The following PRKG1 variants were observed in gnomAD, a reference collection of about 807,000 sequenced individuals.
PRKG1 encodes the protein cGMP-dependent protein kinase 1.
PRKG1 carries 35 observed loss-of-function variants against 88.1 expected under a neutral mutation model. The observed-to-expected ratio is 0.40, with a 90% CI of 0.30 to 0.53. The LOEUF (loss-of-function observed/expected upper bound fraction) is 0.53. PRKG1 is among the 20% of genes least tolerant of loss of function. PRKG1 has a pLI of 0.59. For missense variants in PRKG1, 540 were observed against 839.8 expected (o/e 0.64, Z 4.41); for synonymous variants, 303 against 292.5 (o/e 1.04, Z -0.37).
At chr10:51,111,019 A>G (rs1331908549) in intron 1 of PRKG1, among the ~76,000 whole-genome samples, 3 of 152,150 alleles carry the variant, frequency 2.0e-5, no homozygotes, top group Non-Finnish European at 4.4e-5. Flanking sequence ...GTACACTTCA[A>G]TGCCAAGGAA....
chr10:51,917,918 T>C (rs113878406), intron 5 of PRKG1, among the ~76,000 whole-genome samples: 1 of 152,348 alleles, frequency 6.6e-6, no homozygotes, highest in Middle Eastern at 3.4e-3. Flanking sequence ...TGTCTAGTTA[T>C]GTGAACATAA....
chr10:51,292,873 C>T (rs943387010), intron 2 of PRKG1, among the ~76,000 whole-genome samples: 7 of 151,912 alleles, frequency 4.6e-5, no homozygotes, highest in South Asian at 2.1e-4. Flanking sequence ...ACACCCAATC[C>T]CATTTTATCT....
chr10:51,619,513 C>G (rs897467593), intron 3 of PRKG1, among the ~76,000 whole-genome samples: 7 of 152,172 alleles, frequency 4.6e-5, no homozygotes, highest in African/African-American at 1.7e-4. Context: ...TAAGACCAAT[C>G]AAATCAATCA....
intron 2 of PRKG1, among the ~76,000 whole-genome samples, chr10:51,279,603 A>G (rs371668863): frequency 1.3e-5 from 2 of 152,198 alleles, no homozygotes; most frequent in East Asian, 1.9e-4. Context: ...AGCTCTTCTT[A>G]TTGAATTGAT....
intron 2 of PRKG1, among the ~76,000 whole-genome samples, chr10:51,419,429 G>A (rs1324118592): frequency 6.6e-6 from 1 of 152,048 alleles, no homozygotes; most frequent in Non-Finnish European, 1.5e-5. Context: ...ACGTTTTTTG[G>A]TCATTATTAT....
intron 6 of PRKG1, among the ~76,000 whole-genome samples, chr10:52,062,007 A>G (rs768837099): frequency 1.3e-5 from 2 of 152,160 alleles, no homozygotes; most frequent in Admixed American, 6.5e-5. Flanking sequence ...TTGCCAATTT[A>G]TAGGATATGG....
intron 2 of PRKG1, among the ~76,000 whole-genome samples, chr10:51,275,110 T>A (rs774204468): frequency 2.6e-5 from 4 of 152,260 alleles, no homozygotes; most frequent in Non-Finnish European, 5.9e-5. Flanking sequence ...GAATTTGAGG[T>A]TCTCTAAGAG....
intron 2 of PRKG1, among the ~76,000 whole-genome samples, chr10:51,451,770 T>G (rs570303087): frequency 2.0e-5 from 3 of 152,072 alleles, no homozygotes; most frequent in Non-Finnish European, 4.4e-5. Flanking sequence ...TATCATCAAT[T>G]GCATGACTTA....
chr10:51,353,853 T>C (rs576595247), intron 2 of PRKG1, among the ~76,000 whole-genome samples: 1 of 152,124 alleles, frequency 6.6e-6, no homozygotes, highest in South Asian at 2.1e-4. Flanking sequence ...ACTCTCATGT[T>C]TGTTGCAGCA....
At chr10:52,157,335 A>ATG (rs1564494194) in intron 8 of PRKG1, among the ~76,000 whole-genome samples, 1 of 110,108 alleles carries the variant, frequency 9.1e-6, no homozygotes, top group Non-Finnish European at 1.9e-5. Flanking sequence ...ATATATATAT[A>ATG]TATGTATATA....
chr10:52,088,650 T>C (rs970839687), intron 7 of PRKG1, among the ~76,000 whole-genome samples: 3 of 152,174 alleles, frequency 2.0e-5, no homozygotes, highest in Non-Finnish European at 4.4e-5. Flanking sequence ...AGATGCTGGG[T>C]CCTTACCAGA....
intron 3 of PRKG1, among the ~76,000 whole-genome samples, chr10:51,694,066 T>C (rs1320793145): frequency 6.6e-6 from 1 of 152,224 alleles, no homozygotes; most frequent in Non-Finnish European, 1.5e-5. Context: ...AACCAGAGCA[T>C]TCTTGATAAG....
At chr10:51,708,399 C>T (rs1384819372) in intron 3 of PRKG1, among the ~76,000 whole-genome samples, 3 of 152,076 alleles carry the variant, frequency 2.0e-5, no homozygotes, top group East Asian at 1.9e-4. Context: ...TTTTGAGGGA[C>T]ATAATTGACT....
intron 1 of PRKG1, among the ~76,000 whole-genome samples, chr10:51,144,070 CTA>C (rs1410825345): frequency 1.3e-5 from 2 of 151,958 alleles, no homozygotes; most frequent in Non-Finnish European, 2.9e-5. Context: ...AATATTTCCC[CTA>C]TGTTTTCCTC....
chr10:52,151,786 A>G (rs1837934876), intron 8 of PRKG1, among the ~76,000 whole-genome samples: 1 of 152,192 alleles, frequency 6.6e-6, no homozygotes, highest in African/African-American at 2.4e-5. Flanking sequence ...AAACACTGAA[A>G]AGGCTAAGAA....
At chr10:51,603,676 C>G (rs748288722) in intron 3 of PRKG1, among the ~76,000 whole-genome samples, 18 of 152,150 alleles carry the variant, frequency 1.2e-4, no homozygotes, top group Middle Eastern at 3.2e-3. Context: ...GGGGTACAAC[C>G]ATGAACAAGT....
rs114038418 is a variant in PRKG1 at position 51,024,564 on chromosome 10, C to T, written c.266+32920C>T. ...TCGAATAATTTGAGAAAAAAATCTA[C>T]GTAACTGTATTAGTTTGTTCTCACA... is the stretch of plus-strand genomic sequence containing the variant. On this transcript the variant is annotated intron_variant, in intron 1 of 17. Transcript: ENST00000401604. Among the ~76,000 whole-genome samples the T allele has an allele frequency of 1.7e-3, 257 of 152,218 alleles. 1 individual carries two copies. The highest frequency in any genetic ancestry group is 5.9e-3 in the African/African-American group (246 of 41,532).
intron 3 of PRKG1, among the ~76,000 whole-genome samples, chr10:51,586,876 A>G (rs1034450089): frequency 6.6e-6 from 1 of 152,136 alleles, no homozygotes; most frequent in African/African-American, 2.4e-5. Context: ...TATGAGGAAA[A>G]GGATGTACAT....
At chr10:51,426,525 C>G (rs1256921675) in intron 2 of PRKG1, among the ~76,000 whole-genome samples, 1 of 152,040 alleles carries the variant, frequency 6.6e-6, no homozygotes, top group Non-Finnish European at 1.5e-5. Flanking sequence ...AAACAGATTG[C>G]TAGAGATAGA....
Sources: allele counts gnomAD v4.1 joint callset (sites outside exome capture counted in the v4.1 genomes callset), GRCh38; gene constraint gnomAD v4.1.1; transcripts MANE v1.5; gene names NCBI Gene and HGNC (gene_info 2026-07-23, HGNC 2026-07-21).